Variants in CP observed in about 807,000 individuals in gnomAD.
CP encodes the protein ceruloplasmin.
A neutral mutation model predicts 122.4 loss-of-function variants in CP; 64 were observed. The ratio of observed to expected loss-of-function variants is 0.52; its 90% CI spans 0.43 to 0.64. The LOEUF (loss-of-function observed/expected upper bound fraction) is 0.64, where lower values mean the gene tolerates loss of function less well. Among genes scored for constraint, CP ranks in the 30% least tolerant of loss-of-function variants. The pLI is 0.00. For missense variants in CP, 1,167 were observed against 1,284.4 expected, an observed-to-expected ratio of 0.91 and a Z score of 1.40; for synonymous variants, 440 against 436.4, an observed-to-expected ratio of 1.01 and a Z score of -0.10.
downstream of CP, among the ~76,000 whole-genome samples, chr3:149,169,314 T>C (rs1222080576): frequency 6.6e-6 from 1 of 152,158 alleles, no homozygotes; most frequent in Admixed American, 6.5e-5. Flanking sequence ...ATCTGGAGAA[T>C]TGGAACTGAG....
At chr3:149,176,178 T>A (rs1323831516) in intron 18 of CP, 72 bp downstream of exon 18, 2 of 1,397,638 alleles carry the variant, frequency 1.4e-6, no homozygotes, top group African/African-American at 2.8e-5. Context: ...TTGGGGGAAG[T>A]ATTTAGGCAA....
Position 149,178,099 on chromosome 3 carries a change from T to G in CP, c.2879-120A>C, listed in dbSNP as rs560428443. On this transcript the variant is annotated intron_variant, in intron 16 of 18. Coordinates refer to ENST00000264613, the MANE Select transcript of CP (RefSeq NM_000096.4). ...TCTTTTTGATGTAATAGGACTTATT[T>G]TACTACAAATGAGAGAAATGGATAC... 152 of 936,134 alleles carry G rather than the reference T, an allele frequency of 1.6e-4. No homozygotes were observed. In the African/African-American group the frequency reaches 2.4e-3, roughly 15 times the overall value. The allele number at this position is 936,134 out of a possible 1,614,324, so 58.0% of individuals were successfully genotyped here. A position where few individuals can be genotyped will look rare whatever the true frequency, so the allele number is the denominator to read the frequency against.
In CP at chr3:149,177,906, C is replaced by T. The variant is rs752058749; in HGVS notation, c.2952G>A (p.Leu984=). 1.1e-5 allele frequency: 17 copies of T among 1,613,734 alleles called. No homozygotes were observed. The East Asian group carries it at 3.6e-4, about 34-fold the overall frequency. Residue 984 remains leucine, a synonymous_variant, in exon 17 of 19, where the codon CTG becomes CTA. Coordinates refer to ENST00000264613, the MANE Select transcript of CP (RefSeq NM_000096.4). ...MHVGDEVNWY[L]MGMGNEIDLH... is the part of the protein sequence containing the mutation. ...AGTCTATTTCATTGCCCATTCCCAT[C>T]AGATACCAGTTGACTTCATCTCCCA...
downstream of CP, among the ~76,000 whole-genome samples, chr3:149,171,243 A>T (rs1245330980): frequency 6.6e-6 from 1 of 151,952 alleles, no homozygotes; most frequent in African/African-American, 2.4e-5. Flanking sequence ...GCACCACTGC[A>T]CTCCAGCATG....
chr3:149,172,059 C>G, downstream of CP: 1 of 1,605,294 alleles, frequency 6.2e-7, no homozygotes, highest in Non-Finnish European at 8.5e-7. Context: ...GAAAGACAGA[C>G]TTTCAATTCT....
At chr3:149,210,511 C>T in intron 2 of CP, 132 bp from the exon 3 acceptor site, 1 of 806,744 alleles carries the variant, frequency 1.2e-6, no homozygotes, top group Non-Finnish European at 2.1e-6. Flanking sequence ...ATGTGTTATC[C>T]TATTTGGACA....
intron 9 of CP, among the ~76,000 whole-genome samples, chr3:149,195,126 C>T (rs906981531): frequency 7.9e-5 from 12 of 152,300 alleles, no homozygotes; most frequent in African/African-American, 2.9e-4. Flanking sequence ...CGCTCCTCGA[C>T]TGTATCATTT....
chr3:149,209,758 G>A (rs368603645), intron 3 of CP, among the ~76,000 whole-genome samples: 4 of 152,094 alleles, frequency 2.6e-5, no homozygotes, highest in African/African-American at 9.7e-5. Context: ...CTTGAGCTCC[G>A]TTGTCTTTTT....
chr3:149,207,028 A>G (rs564306149), intron 5 of CP, among the ~76,000 whole-genome samples: 1 of 152,196 alleles, frequency 6.6e-6, no homozygotes, highest in Admixed American at 6.5e-5. Context: ...TGACAGAAAT[A>G]AGTCGAAAAA....
At chr3:149,171,031 G>A (rs938634657), downstream of CP, among the ~76,000 whole-genome samples, 4 of 152,188 alleles carry the variant, frequency 2.6e-5, no homozygotes, top group Non-Finnish European at 5.9e-5. Context: ...GGTAATCCCA[G>A]TGCTTTGGGA....
intron 15 of CP, 66 bp downstream of exon 15, chr3:149,179,490 C>T: frequency 8.2e-7 from 1 of 1,212,864 alleles, no homozygotes; most frequent in South Asian, 1.2e-5. Context: ...AAAACACTAA[C>T]CTTGTCTTCC....
chr3:149,181,179 C>T (rs535298862), intron 14 of CP, among the ~76,000 whole-genome samples: 44 of 152,246 alleles, frequency 2.9e-4, no homozygotes, highest in South Asian at 4.1e-4. Context: ...CCTCCCTACT[C>T]CATCTGGCCC....
At chr3:149,187,947 A>G in intron 10 of CP, 105 bp downstream of exon 10, 1 of 1,261,204 alleles carries the variant, frequency 7.9e-7, no homozygotes, top group Non-Finnish European at 1.2e-6. Context: ...TCGTTTATTG[A>G]AAAAATAATC....
rs189543625 is a variant in CP at position 149,185,591 on chromosome 3, T to C, written c.2078-145A>G. ...CCTTCTGCTCACCCTGCTCCATCCATCCTTTTGCTGTTCTTAGAGCAGATC... is the reference window on the plus strand; with the variant it reads ...CCTTCTGCTCACCCTGCTCCATCCACCCTTTTGCTGTTCTTAGAGCAGATC... On this transcript the variant is annotated intron_variant, in intron 11 of 18. Coordinates refer to ENST00000264613, the MANE Select transcript of CP (RefSeq NM_000096.4). The C allele has an allele frequency of 4.3e-4, 320 of 747,208 alleles. 3 individuals carry two copies. Among genetic ancestry groups the C allele is most frequent in the Admixed American group, 1.9e-3 (76 of 39,542 alleles). 46.3% of individuals were successfully genotyped at this position (747,208 alleles called of 1,614,324 possible).
At position 149,198,512 on chromosome 3, in the gene CP, T is replaced by C. The variant is rs1727060291; in HGVS notation, c.1568A>G (p.Lys523Arg). The C allele has an allele frequency of 6.2e-7, 1 of 1,614,194 alleles. No individual in the cohort carries two copies. The highest frequency in any genetic ancestry group is 2.2e-5 in the East Asian group (1 of 44,886). Residue 523 changes from lysine (K) to arginine (R), a missense_variant, in exon 9 of 19, where the codon AAA becomes AGA. By Grantham distance (26) the Lys-to-Arg change is conservative (BLOSUM62 2). Transcript: ENST00000264613. ...ETFTYEWTVP[K>R]EVGPTNADPV... is the part of the protein sequence containing the mutation. Reference sequence around the variant, plus strand: ...ATCTGCATTAGTGGGTCCTACTTCTTTGGGGACAGTCCATTCATAGGTGAA... The same window carrying C: ...ATCTGCATTAGTGGGTCCTACTTCTCTGGGGACAGTCCATTCATAGGTGAA...
chr3:149,164,273 T>C (rs1210929387), intron 5 of CP, among the ~76,000 whole-genome samples: 1 of 152,182 alleles, frequency 6.6e-6, no homozygotes, highest in Non-Finnish European at 1.5e-5. Flanking sequence ...TTTAGTGGTG[T>C]TTTTATTGAT....
At position 149,209,354 on chromosome 3, in the gene CP, A is replaced by G. The variant is rs1202159158; in HGVS notation, c.638T>C (p.Ile213Thr). ...DSLDKEKEKHIDREFVVMFSV... is the reference protein window; with the variant it reads ...DSLDKEKEKHTDREFVVMFSV... ...AAACATCACCACAAATTCTCGGTCA[A>G]TATGTTTTTCTTTTTCTTTATCTAG... The change falls in exon 4 of 19, where the codon ATT becomes ACT. Residue 213 changes from isoleucine (I) to threonine (T), a missense_variant. Physicochemically the swap from Ile to Thr is moderately conservative, Grantham distance 89. Around this residue, in one of 2 missense-constraint regions of CP, gnomAD observed 642 missense variants for 627.3 expected, o/e 1.02. Coordinates refer to ENST00000264613, the MANE Select transcript of CP (RefSeq NM_000096.4). 3 of 1,613,468 alleles carry G rather than the reference A, an allele frequency of 1.9e-6. No homozygotes were observed. The highest frequency in any genetic ancestry group is 1.3e-5 in the African/African-American group (1 of 74,902).
rs1487297780 is a variant in CP at position 149,172,963 on chromosome 3, C to A, written c.*751G>T. ...AGAAATACATCATTGTATTCACAAC[C>A]ATGTGTCTTCATTTATAACTTTTTG... is the stretch of plus-strand genomic sequence containing the variant. On this transcript the variant is annotated 3_prime_UTR_variant, in exon 19 of 19. Transcript: ENST00000264613. The A allele has an allele frequency of 6.6e-6, 1 of 152,492 alleles. No homozygotes were observed. Among genetic ancestry groups the A allele is most frequent in the Non-Finnish European group, 1.5e-5 (1 of 67,988 alleles). The allele number at this position is 152,492 out of a possible 1,614,324, so 9.4% of individuals were successfully genotyped here. A position where few individuals can be genotyped will look rare whatever the true frequency, so the allele number is the denominator to read the frequency against.
chr3:149,181,973 T>TGCGGGGGGGGGGGGGGG, intron 14 of CP, 32 bp downstream of exon 14: 5 of 1,375,574 alleles, frequency 3.6e-6, no homozygotes, highest in Non-Finnish European at 5.2e-6. Context: ...CCTGTTAAAA[T>TGCGGGGGGGGGGGGGGG]GCACCACCCC....
Sources: gnomAD v4.1 joint callset for allele counts (sites outside exome capture counted in the v4.1 genomes callset) on GRCh38, gnomAD v4.1.1 for gene constraint, gnomAD v4.1.1 regional missense constraint, MANE v1.5 for transcripts, NCBI Gene and HGNC (gene_info 2026-07-23, HGNC 2026-07-21) for gene names.